PDE2A: variants seen among roughly 807,000 people sequenced by gnomAD.
The protein encoded by PDE2A is phosphodiesterase 2A, also known as cGMP-dependent 3',5'-cyclic phosphodiesterase.
A neutral mutation model predicts 133.6 loss-of-function variants in PDE2A; 53 were observed. The observed-to-expected ratio is 0.40, with a 90% CI of 0.32 to 0.50. PDE2A has a LOEUF of 0.50. Ranked by LOEUF, PDE2A falls within the 20% of genes least tolerant of loss-of-function variation. The pLI, the probability that PDE2A is intolerant of heterozygous loss-of-function variation, is 0.73. For synonymous variants in PDE2A, 491 were observed against 490.2 expected, an observed-to-expected ratio of 1.00 and a Z score of -0.02; for missense variants, 796 against 1,232.4, an observed-to-expected ratio of 0.65 and a Z score of 5.30.
At chr11:72,601,919 C>T (rs898800704) in intron 4 of PDE2A, among the ~76,000 whole-genome samples, 1 of 152,110 alleles carries the variant, frequency 6.6e-6, no homozygotes, top group Non-Finnish European at 1.5e-5. Context: ...AAGAGGGCAT[C>T]GGATTGTGAT....
intron 6 of PDE2A, 26 bp downstream of exon 6, chr11:72,596,567 A>T (rs746279248): frequency 7.0e-7 from 1 of 1,422,986 alleles, no homozygotes; most frequent in Non-Finnish European, 9.3e-7. Context: ...CTCTCCCTAC[A>T]TCCCACCGCC....
chr11:72,607,009 C>CCGGGCGGGGG (rs1321670101), intron 3 of PDE2A, among the ~76,000 whole-genome samples: 1 of 152,162 alleles, frequency 6.6e-6, no homozygotes, highest in Non-Finnish European at 1.5e-5. Flanking sequence ...GCTCTCCTCC[C>CCGGGCGGGGG]TGGGCGGGGG....
rs1855493613 is a variant in PDE2A at position 72,576,796 on chromosome 11, A to T, written c.*588T>A. The T allele has an allele frequency of 5.9e-6, 1 of 169,496 alleles. No homozygotes were observed. The highest frequency in any genetic ancestry group is 2.4e-5 in the African/African-American group (1 of 41,480). 10.5% of individuals were successfully genotyped at this position (169,496 alleles called of 1,614,324 possible). A position where few individuals can be genotyped will look rare whatever the true frequency, so the allele number is the denominator to read the frequency against. On this transcript the variant is annotated 3_prime_UTR_variant, in exon 31 of 31. Transcript: ENST00000334456. ...CAGGGCCCCTCTCTGCAGAGCACTG[A>T]GCTGCCCCTCTGGCAGCTTCTTCCT...
At chr11:72,609,917 T>C (rs1007827187) in intron 2 of PDE2A, among the ~76,000 whole-genome samples, 1 of 151,284 alleles carries the variant, frequency 6.6e-6, no homozygotes, top group Admixed American at 6.6e-5. Flanking sequence ...TGGCAAGAAA[T>C]AAAAATGCTC....
chr11:72,639,833 G>A (rs940576021), intron 2 of PDE2A, among the ~76,000 whole-genome samples: 9 of 152,128 alleles, frequency 5.9e-5, no homozygotes, highest in African/African-American at 1.7e-4. Context: ...CATCTCTAGG[G>A]ACCTGATCAG....
chr11:72,631,244 C>T (rs1565182474), intron 2 of PDE2A: 3 of 829,260 alleles, frequency 3.6e-6, no homozygotes, highest in Non-Finnish European at 5.6e-6. Flanking sequence ...TGGCCCCCTC[C>T]TCCAGGGAGC....
At chr11:72,622,358 C>T (rs989730180) in intron 2 of PDE2A, among the ~76,000 whole-genome samples, 1 of 152,184 alleles carries the variant, frequency 6.6e-6, no homozygotes, top group Non-Finnish European at 1.5e-5. Context: ...TCTAGGTATA[C>T]ATCTGAAAGA....
chr11:72,670,093 T>C (rs1051058870), intron 1 of PDE2A, among the ~76,000 whole-genome samples: 2 of 152,160 alleles, frequency 1.3e-5, no homozygotes, highest in Non-Finnish European at 2.9e-5. Flanking sequence ...CCTATAGTGC[T>C]AAGTGAACAA....
At chr11:72,618,199 G>A (rs1252923541) in intron 2 of PDE2A, among the ~76,000 whole-genome samples, 1 of 152,230 alleles carries the variant, frequency 6.6e-6, no homozygotes, top group Non-Finnish European at 1.5e-5. Context: ...AGGGTGAGGA[G>A]CTGCTCGCTC....
At chr11:72,645,503 A>G (rs1859108026) in intron 1 of PDE2A, among the ~76,000 whole-genome samples, 1 of 152,142 alleles carries the variant, frequency 6.6e-6, no homozygotes, top group African/African-American at 2.4e-5. Context: ...CTCCACTCAC[A>G]CGCAGATCCC....
chr11:72,586,626 G>A (rs1855986079), intron 13 of PDE2A, among the ~76,000 whole-genome samples: 1 of 152,242 alleles, frequency 6.6e-6, no homozygotes, highest in South Asian at 2.1e-4. Context: ...ATCTTAGGGT[G>A]GTGGTGTGGA....
rs1858991347 is a variant in PDE2A, at chr11:72,642,323, C to A, written c.75G>T (p.Arg25=). 8 of 1,540,448 alleles carry A rather than the reference C, an allele frequency of 5.2e-6. No individual in the cohort carries two copies. The highest frequency in any genetic ancestry group is 7.0e-6 in the Non-Finnish European group (8 of 1,146,248). The change falls in exon 2 of 31, where the codon CGG becomes CGT. Residue 25 remains arginine (R), a synonymous_variant. Transcript: ENST00000334456. ...QYPAARPAEP[R]GQQVFLKPDE... ...CCGGCTTGAGGAAGACCTGCTGGCC[C>A]CGCCTGAGGAATTGGACAACAGCGA...
At chr11:72,628,141 G>T (rs1205776016) in intron 2 of PDE2A, among the ~76,000 whole-genome samples, 1 of 152,188 alleles carries the variant, frequency 6.6e-6, no homozygotes, top group Non-Finnish European at 1.5e-5. Flanking sequence ...GTCTCACAGG[G>T]GTACAGCCTA....
intron 2 of PDE2A, among the ~76,000 whole-genome samples, chr11:72,617,370 A>G (rs1224522301): frequency 2.0e-5 from 3 of 152,176 alleles, no homozygotes; most frequent in Admixed American, 2.0e-4. Flanking sequence ...GACAAGATAG[A>G]GAGCAGGGCA....
intron 2 of PDE2A, among the ~76,000 whole-genome samples, chr11:72,612,274 TCCACACACACACACAC>T (rs1381779716): frequency 0.011 from 1,281 of 112,906 alleles, 15 homozygotes; most frequent in African/African-American, 0.046. Context: ...GCACATCACA[TCCACACACACACACAC>T]ACACACACAC....
At chr11:72,587,703 C>G (rs1856039812) in intron 13 of PDE2A, 1 of 152,250 alleles carries the variant, frequency 6.6e-6, no homozygotes. Flanking sequence ...GGCATAAATT[C>G]TCCCACCATT....
chr11:72,664,363 G>GGTTTTTTTT (rs1565198393), intron 1 of PDE2A, among the ~76,000 whole-genome samples: 2 of 92,336 alleles, frequency 2.2e-5, no homozygotes, highest in Non-Finnish European at 4.5e-5. Context: ...CCCCTTGAAG[G>GGTTTTTTTT]ATTTTTTTTT....
chr11:72,581,157 G>A (rs982801690), intron 23 of PDE2A, among the ~76,000 whole-genome samples, 184 bp from the exon 24 acceptor site: 2 of 152,194 alleles, frequency 1.3e-5, no homozygotes, highest in Non-Finnish European at 2.9e-5. Context: ...TTTAAATCAG[G>A]CTCAGTCTTC....
At chr11:72,593,499 C>G (rs1322777369) in intron 6 of PDE2A, among the ~76,000 whole-genome samples, 4 of 152,306 alleles carry the variant, frequency 2.6e-5, no homozygotes, top group African/African-American at 9.6e-5. Flanking sequence ...AAACCCAGCA[C>G]AGCCCCCAGG....
Sources: gnomAD v4.1 joint callset for allele counts (sites outside exome capture counted in the v4.1 genomes callset) on GRCh38, gnomAD v4.1.1 for gene constraint, MANE v1.5 for transcripts, NCBI Gene and HGNC (gene_info 2026-07-23, HGNC 2026-07-21) for gene names.